SOX5: variants seen among roughly 807,000 people sequenced by gnomAD.
SOX5 encodes SRY-box transcription factor 5, also known as transcription factor SOX-5.
A neutral mutation model predicts 92.0 loss-of-function variants in SOX5; 9 were observed. The ratio of observed to expected loss-of-function variants is 0.10; its 90% CI spans 0.06 to 0.17. The LOEUF is 0.17. Ranked by LOEUF, SOX5 falls within the 10% of genes least tolerant of loss-of-function variation. The pLI is 1.00. For synonymous variants in SOX5, 344 were observed against 336.3 expected, an observed-to-expected ratio of 1.02 and a Z score of -0.25; for missense variants, 642 against 944.5, an observed-to-expected ratio of 0.68 and a Z score of 4.20.
intron 14 of SOX5, among the ~76,000 whole-genome samples, 177 bp from the exon 15 acceptor site, chr12:23,534,699 CTTTTCTT>C (rs778969077): frequency 3.6e-5 from 5 of 137,916 alleles, no homozygotes; most frequent in Non-Finnish European, 3.1e-5. Flanking sequence ...TTTTTCTTTT[CTTTTCTT>C]TTTTTTTTTT....
chr12:24,121,647 G>C (rs188297255), intron 4 of SOX5, among the ~76,000 whole-genome samples: 9 of 144,036 alleles, frequency 6.2e-5, no homozygotes, highest in African/African-American at 2.1e-4. Context: ...CCAGCACTTT[G>C]AGAGGCTGAG....
At chr12:23,804,077 A>G (rs2095713054) in intron 3 of SOX5, among the ~76,000 whole-genome samples, 1 of 152,214 alleles carries the variant, frequency 6.6e-6, no homozygotes, top group South Asian at 2.1e-4. Flanking sequence ...CAATTCCCTT[A>G]TTCAATGAAC....
At chr12:23,892,409 T>C (rs1415278641) in intron 2 of SOX5, among the ~76,000 whole-genome samples, 2 of 152,192 alleles carry the variant, frequency 1.3e-5, no homozygotes, top group Non-Finnish European at 2.9e-5. Flanking sequence ...TAGGATGTGT[T>C]AATAGAAGAC....
intron 4 of SOX5, among the ~76,000 whole-genome samples, chr12:24,016,753 A>G (rs1190681304): frequency 6.6e-6 from 1 of 152,108 alleles, no homozygotes; most frequent in Non-Finnish European, 1.5e-5. Flanking sequence ...ACCTTTTCCA[A>G]AGATTTTTTT....
intron 3 of SOX5, among the ~76,000 whole-genome samples, chr12:24,271,451 T>A (rs1943722419): frequency 6.6e-6 from 1 of 152,224 alleles, no homozygotes; most frequent in African/African-American, 2.4e-5. Context: ...TTGAAATTTA[T>A]TCTATTACTC....
intron 2 of SOX5, among the ~76,000 whole-genome samples, chr12:24,361,019 G>T (rs1019328716): frequency 4.6e-5 from 7 of 152,076 alleles, no homozygotes; most frequent in African/African-American, 1.7e-4. Context: ...AACATCTATG[G>T]TTCATTAACT....
chr12:23,868,287 T>G (rs1037800273), intron 2 of SOX5, among the ~76,000 whole-genome samples: 2 of 152,178 alleles, frequency 1.3e-5, no homozygotes, highest in Non-Finnish European at 2.9e-5. Context: ...GATTTCTTTC[T>G]GCTGATTACT....
chr12:24,093,155 T>C (rs1299491894), intron 4 of SOX5, among the ~76,000 whole-genome samples: 3 of 152,220 alleles, frequency 2.0e-5, no homozygotes, highest in Non-Finnish European at 4.4e-5. Context: ...CCTTATCTGA[T>C]GTACTAATCA....
intron 3 of SOX5, among the ~76,000 whole-genome samples, chr12:23,769,096 C>G (rs1322753263): frequency 6.6e-6 from 1 of 151,996 alleles, no homozygotes; most frequent in Non-Finnish European, 1.5e-5. Flanking sequence ...GGTTATTTTT[C>G]TCTCTTGTTT....
At chr12:24,235,631 C>G (rs1411042534) in intron 3 of SOX5, among the ~76,000 whole-genome samples, 1 of 152,132 alleles carries the variant, frequency 6.6e-6, no homozygotes, top group Admixed American at 6.5e-5. Flanking sequence ...AAACGTTTAT[C>G]TTCTTAAGAA....
intron 1 of SOX5, among the ~76,000 whole-genome samples, chr12:24,428,761 C>CAAAAAAAAAAAAAAAAAAAAAAAAAA (rs1967056422): frequency 1.9e-5 from 1 of 52,604 alleles, no homozygotes; most frequent in Non-Finnish European, 4.1e-5. Flanking sequence ...AAAAAAAAAG[C>CAAAAAAAAAAAAAAAAAAAAAAAAAA]TAATTTCCTC....
intron 4 of SOX5, among the ~76,000 whole-genome samples, chr12:23,991,830 A>G (rs542839162): frequency 6.6e-6 from 1 of 152,082 alleles, no homozygotes; most frequent in African/African-American, 2.4e-5. Flanking sequence ...AAATTGTCAC[A>G]TGAAAAGAAT....
chr12:23,940,864 C>T (rs1943505483), intron 1 of SOX5, among the ~76,000 whole-genome samples: 1 of 150,864 alleles, frequency 6.6e-6, no homozygotes, highest in African/African-American at 2.4e-5. Flanking sequence ...CTCAAATATC[C>T]CCAAATGTTA....
chr12:23,880,937 C>A (rs918199260), intron 2 of SOX5, among the ~76,000 whole-genome samples: 4 of 151,884 alleles, frequency 2.6e-5, no homozygotes, highest in African/African-American at 9.7e-5. Flanking sequence ...TTTTTTCTAC[C>A]CAAAGTGGCT....
chr12:24,422,566 A>T (rs1486134630), intron 1 of SOX5, among the ~76,000 whole-genome samples: 1 of 152,212 alleles, frequency 6.6e-6, no homozygotes, highest in African/African-American at 2.4e-5. Flanking sequence ...GGTTGTCTGC[A>T]CAGTTTCATA....
At chr12:23,572,179 G>GATAT (rs1305584344) in intron 10 of SOX5, among the ~76,000 whole-genome samples, 2 of 152,132 alleles carry the variant, frequency 1.3e-5, no homozygotes, top group East Asian at 3.8e-4. Context: ...GTAGCTAATA[G>GATAT]ATATATAGCA....
chr12:23,650,403 C>T (rs1372976501), intron 7 of SOX5, among the ~76,000 whole-genome samples: 1 of 152,114 alleles, frequency 6.6e-6, no homozygotes, highest in African/African-American at 2.4e-5. Context: ...ACGAGCATTG[C>T]TCCTATTAAA....
intron 4 of SOX5, among the ~76,000 whole-genome samples, chr12:24,108,491 A>G (rs1341534459): frequency 6.6e-6 from 1 of 152,104 alleles, no homozygotes; most frequent in East Asian, 1.9e-4. Flanking sequence ...CACACACTAC[A>G]TTGTTGACTT....
At chr12:23,592,404 T>A (rs1951698618) in intron 9 of SOX5, among the ~76,000 whole-genome samples, 1 of 152,304 alleles carries the variant, frequency 6.6e-6, no homozygotes, top group South Asian at 2.1e-4. Flanking sequence ...TAGTTCACAT[T>A]TGAAAATGCA....
Sources: gnomAD v4.1 joint callset for allele counts (sites outside exome capture counted in the v4.1 genomes callset) on GRCh38, gnomAD v4.1.1 for gene constraint, MANE v1.5 for transcripts, NCBI Gene and HGNC (gene_info 2026-07-23, HGNC 2026-07-21) for gene names.